ZCCHC14: variants seen among roughly 807,000 people sequenced by gnomAD.
ZCCHC14 encodes the protein zinc finger CCHC-type containing 14, also known as zinc finger CCHC domain-containing protein 14.
Under a neutral mutation model 85.0 loss-of-function variants are expected in ZCCHC14, and 16 were observed. That is an observed-to-expected ratio of 0.19 (90% CI 0.13 to 0.29). The LOEUF (loss-of-function observed/expected upper bound fraction) is 0.29, where lower values mean the gene tolerates loss of function less well. Ranked by LOEUF, ZCCHC14 falls within the 10% of genes least tolerant of loss-of-function variation. The pLI is 1.00. For missense variants in ZCCHC14, 1,303 were observed against 1,443.5 expected (o/e 0.90, Z 1.58); for synonymous variants, 775 against 630.7 (o/e 1.23, Z -3.43).
At chr16:87,476,578 T>G (rs1241307808) in intron 1 of ZCCHC14, among the ~76,000 whole-genome samples, 2 of 151,946 alleles carry the variant, frequency 1.3e-5, no homozygotes, top group African/African-American at 4.8e-5. Context: ...ATCTACAGTG[T>G]CATCTCTAGA....
chr16:87,431,825 C>T (rs1909678876), intron 3 of ZCCHC14, among the ~76,000 whole-genome samples: 1 of 152,134 alleles, frequency 6.6e-6, no homozygotes. Flanking sequence ...TTCCAGGGCA[C>T]TCAGAGGGCC....
chr16:87,414,931 A>C (rs60156242), intron 9 of ZCCHC14, among the ~76,000 whole-genome samples: 23,182 of 152,106 alleles, frequency 0.15, 2,273 homozygotes, highest in East Asian at 0.45. Context: ...AAATACAAAA[A>C]ATTAGCCAGG....
chr16:87,469,289 A>T (rs1911671853), intron 1 of ZCCHC14, among the ~76,000 whole-genome samples: 1 of 152,242 alleles, frequency 6.6e-6, no homozygotes, highest in African/African-American at 2.4e-5. Flanking sequence ...TCCCTGCAGT[A>T]CGTGACGTAC....
intron 1 of ZCCHC14, among the ~76,000 whole-genome samples, chr16:87,466,554 T>A (rs1911528609): frequency 6.6e-6 from 1 of 152,254 alleles, no homozygotes; most frequent in Non-Finnish European, 1.5e-5. Context: ...TACACAGGAC[T>A]GCAAACAAAG....
chr16:87,413,243 G>C lies in ZCCHC14; in HGVS notation c.1604-48C>G, dbSNP rs200477367. ...CAGCCATCAACTAGCGCCCCTGCAGGCTCAGCCCGCCCCGTGCCCCTGCAT... is the reference window on the plus strand; with the variant it reads ...CAGCCATCAACTAGCGCCCCTGCAGCCTCAGCCCGCCCCGTGCCCCTGCAT... On this transcript the variant is annotated intron_variant, in intron 10 of 12. Coordinates refer to ENST00000671377, the MANE Select transcript of ZCCHC14 (RefSeq NM_015144.3). 1.1e-3 allele frequency: 1,629 copies of C among 1,473,952 alleles called. 17 individuals are homozygous for C. The African/African-American group carries it at 0.02, about 18-fold the overall frequency. 91.3% of individuals were successfully genotyped at this position (1,473,952 alleles called of 1,614,324 possible).
chr16:87,480,898 A>C (rs1912236978), intron 1 of ZCCHC14, among the ~76,000 whole-genome samples: 1 of 152,182 alleles, frequency 6.6e-6, no homozygotes, highest in South Asian at 2.1e-4. Flanking sequence ...AGGAGAGAGA[A>C]AGCACAGTGA....
chr16:87,415,183 A>G lies in ZCCHC14; in HGVS notation c.1475+93T>C, dbSNP rs1181765069. 5 of 1,002,908 alleles carry G rather than the reference A, an allele frequency of 5.0e-6. No individual in the cohort carries two copies. In the African/African-American group the frequency reaches 8.1e-5, roughly 16 times the overall value. 62.1% of individuals were successfully genotyped at this position (1,002,908 alleles called of 1,614,324 possible). On this transcript the variant is annotated intron_variant, in intron 9 of 12. Transcript: ENST00000671377. ...TGGATAAGCAACAGGAACTAATCCAATCACTAGTATTTAGCACTGGAAGCC... is the reference window on the plus strand; with the variant it reads ...TGGATAAGCAACAGGAACTAATCCAGTCACTAGTATTTAGCACTGGAAGCC...
chr16:87,432,011 C>T (rs1013182138), intron 3 of ZCCHC14, among the ~76,000 whole-genome samples: 1 of 152,236 alleles, frequency 6.6e-6, no homozygotes, highest in Non-Finnish European at 1.5e-5. Flanking sequence ...CTGCTTGTCA[C>T]AACACAGTCT....
Position 87,433,197 on chromosome 16 carries a change from A to G in ZCCHC14, c.699T>C (p.Ser233=), listed in dbSNP as rs146823917. The G allele has an allele frequency of 1.1e-3, 1,695 of 1,613,902 alleles. 1 individual carries two copies. Among genetic ancestry groups the G allele is most frequent in the Admixed American group, 1.5e-3 (93 of 60,010 alleles). ...ATCCCTTCAGGTCTATCTTTTCAAC[A>G]CTCACTGTAAAAGTAAAACAAAAAA... ...KRPLGKHSKV[S]VEKIDLKGLS... is the part of the protein sequence containing the mutation. Residue 233 remains serine (S), a synonymous_variant, in exon 3 of 13, where the codon AGT becomes AGC. Transcript: ENST00000671377.
At chr16:87,411,398 G>C (rs761060599) in intron 12 of ZCCHC14, 118 bp downstream of exon 12, 1 of 1,522,440 alleles carries the variant, frequency 6.6e-7, no homozygotes, top group South Asian at 1.3e-5. Flanking sequence ...CGCTTTCAAA[G>C]AGCATTCGAA....
intron 1 of ZCCHC14, among the ~76,000 whole-genome samples, chr16:87,487,629 C>T (rs988133504): frequency 6.6e-5 from 10 of 152,256 alleles, no homozygotes; most frequent in African/African-American, 2.2e-4. Context: ...GCCAGCGGTC[C>T]ACAGAGGATG....
rs1331301225 is a variant in ZCCHC14 at position 87,407,727 on chromosome 16, A to G, written c.*2553T>C. The G allele has an allele frequency of 6.6e-6, 1 of 152,250 alleles. No individual in the cohort carries two copies. Among genetic ancestry groups the G allele is most frequent in the Non-Finnish European group, 1.5e-5 (1 of 68,048 alleles). The allele number at this position is 152,250 out of a possible 1,614,324, so 9.4% of individuals were successfully genotyped here. ...AGACCACACTTTCAGGAAAATGACT[A>G]AGTACTTGAAAGGGTCAGTATGTTC... On this transcript the variant is annotated 3_prime_UTR_variant, in exon 13 of 13. Transcript: ENST00000671377.
At chr16:87,427,230 G>A (rs1436587387) in intron 3 of ZCCHC14, among the ~76,000 whole-genome samples, 1 of 152,244 alleles carries the variant, frequency 6.6e-6, no homozygotes, top group East Asian at 1.9e-4. Flanking sequence ...CAACCTTGGA[G>A]GGCAGGGTCT....
rs1377966147 is a variant in ZCCHC14, at chr16:87,492,901, C to T, written c.-663G>A. ...CTCCCGCGCGGCGGACGGATCCGGG[C>T]CCGAGCGCGGCGGCGGCGGCGACGG... On this transcript the variant is annotated 5_prime_UTR_variant, in exon 1 of 13. Transcript: ENST00000671377. The surrounding 1 kb of genome is among the most constrained non-coding windows in gnomAD (Gnocchi z 6.7). Among the ~76,000 whole-genome samples the T allele has an allele frequency of 1.3e-5, 2 of 148,442 alleles. No homozygotes were observed. Among genetic ancestry groups the T allele is most frequent in the Admixed American group, 6.7e-5 (1 of 14,934 alleles).
chr16:87,473,390 A>T (rs1435176327), intron 1 of ZCCHC14: 1 of 152,100 alleles, frequency 6.6e-6, no homozygotes, highest in Non-Finnish European at 1.5e-5. Context: ...ATTACCAGAG[A>T]CAGGGTTCCA....
At chr16:87,483,005 C>T (rs1014292159) in intron 1 of ZCCHC14, among the ~76,000 whole-genome samples, 3 of 151,436 alleles carry the variant, frequency 2.0e-5, no homozygotes, top group Admixed American at 6.6e-5. Context: ...ACACAAAACC[C>T]AGAAGCCATA....
chr16:87,449,111 G>C (rs1910573976), intron 2 of ZCCHC14, among the ~76,000 whole-genome samples: 1 of 152,196 alleles, frequency 6.6e-6, no homozygotes, highest in Non-Finnish European at 1.5e-5. Flanking sequence ...GCATGGCCCA[G>C]CTGACACCAG....
In ZCCHC14 at chr16:87,492,914, GCGGCGGCGACGGCGACGGCGACGGCGA is replaced by G. The variant is rs926374017; in HGVS notation, c.-703_-677del. Among the ~76,000 whole-genome samples the G allele has an allele frequency of 2.4e-4, 34 of 142,702 alleles. No homozygotes were observed. The highest frequency in any genetic ancestry group is 3.7e-4 in the Non-Finnish European group (25 of 66,900). 93.6% of individuals were successfully genotyped at this position (142,702 alleles called of 152,430 possible). The stretch of plus-strand genomic sequence containing the variant: ...GACGGATCCGGGCCCGAGCGCGGCG[GCGGCGGCGACGGCGACGGCGACGGCGA>G]CGGCGACGGCGGAGGAGGCGCCGGC... On this transcript the variant is annotated 5_prime_UTR_variant, in exon 1 of 13. Transcript: ENST00000671377. This position sits in a 1 kb window ranked among gnomAD's most constrained non-coding sequence, Gnocchi z 6.7.
chr16:87,455,229 G>C (rs531359092), intron 2 of ZCCHC14, among the ~76,000 whole-genome samples: 166 of 152,238 alleles, frequency 1.1e-3, no homozygotes, highest in African/African-American at 3.7e-3. Flanking sequence ...TGGAGGTTGT[G>C]GTGAACCGAG....
Sources: allele counts gnomAD v4.1 joint callset (sites outside exome capture counted in the v4.1 genomes callset), GRCh38; gene constraint gnomAD v4.1.1; non-coding constraint Gnocchi (gnomAD v3.1); transcripts MANE v1.5; gene names NCBI Gene and HGNC (gene_info 2026-07-23, HGNC 2026-07-21).